Variants in BLTP1 observed in about 807,000 individuals in gnomAD.
BLTP1 encodes bridge-like lipid transfer protein family member 1, also known as fragile site-associated protein.
At chr4:122,161,430 G>GT in the BLTP1 span, among the ~76,000 whole-genome samples, 1 of 148,452 alleles carries the variant, frequency 6.7e-6, no homozygotes. Flanking sequence ...TTTTTCTTTT[G>GT]TTTTCTTTTT....
the BLTP1 span, chr4:122,254,935 A>G: frequency 1.3e-5 from 21 of 1,610,014 alleles, no homozygotes; most frequent in Admixed American, 3.4e-5. Context: ...TATGGGATGC[A>G]TAATGACAGA....
At chr4:122,276,814 A>T in the BLTP1 span, 6 of 975,082 alleles carry the variant, frequency 6.2e-6, no homozygotes, top group Non-Finnish European at 7.3e-6. Flanking sequence ...ATTGGTTTTG[A>T]ATTTTATGTA....
At chr4:122,308,244 C>A in the BLTP1 span, 1 of 1,445,790 alleles carries the variant, frequency 6.9e-7, no homozygotes, top group Non-Finnish European at 9.5e-7. Context: ...TATAACAGTA[C>A]ATTTTTCAGT....
the BLTP1 span, chr4:122,229,863 A>C: frequency 6.7e-7 from 1 of 1,499,400 alleles, no homozygotes; most frequent in East Asian, 2.4e-5. Context: ...CCTATTCAGT[A>C]GTTTTGGCTA....
chr4:122,250,440 T>C, the BLTP1 span: 1 of 1,613,628 alleles, frequency 6.2e-7, no homozygotes, highest in Non-Finnish European at 8.5e-7. Flanking sequence ...AGGGGTGGAG[T>C]GCTGACATCC....
At chr4:122,353,283 A>AT in the BLTP1 span, 1 of 1,422,758 alleles carries the variant, frequency 7.0e-7, no homozygotes, top group East Asian at 2.4e-5. The surrounding 1 kb of genome is among the most constrained non-coding windows in gnomAD (Gnocchi z 4.3). Flanking sequence ...TTCACTACCA[A>AT]TAAGTCAATA....
At chr4:122,290,789 A>T in the BLTP1 span, 1 of 111,738 alleles carries the variant, frequency 8.9e-6, no homozygotes. Flanking sequence ...TCCGTCTCAA[A>T]AAAAAAAAAA....
chr4:122,195,798 A>G, the BLTP1 span: 2 of 297,038 alleles, frequency 6.7e-6, no homozygotes, highest in Admixed American at 6.5e-5. Flanking sequence ...GTAGCAAGTT[A>G]AAGTCTGTGA....
the BLTP1 span, chr4:122,240,256 C>T: frequency 6.2e-7 from 1 of 1,614,102 alleles, no homozygotes; most frequent in Non-Finnish European, 8.5e-7. Flanking sequence ...AACAAAAGAA[C>T]CTCTAAATCC....
the BLTP1 span, chr4:122,339,409 G>C: frequency 1.9e-6 from 3 of 1,605,920 alleles, no homozygotes; most frequent in Admixed American, 1.7e-5. Flanking sequence ...GGAATACCAG[G>C]TATAGATAAT....
the BLTP1 span, chr4:122,305,429 T>C: frequency 2.1e-6 from 2 of 948,370 alleles, no homozygotes; most frequent in Admixed American, 6.2e-5. Context: ...TTATTGGAGA[T>C]TTTTTTTGTT....
chr4:122,199,585 A>AG, the BLTP1 span: 1 of 711,058 alleles, frequency 1.4e-6, no homozygotes, highest in African/African-American at 1.8e-5. Flanking sequence ...AGGGAAGAGG[A>AG]GTGGATTCCC....
the BLTP1 span, among the ~76,000 whole-genome samples, chr4:122,236,216 T>C: frequency 6.6e-6 from 1 of 152,226 alleles, no homozygotes; most frequent in Non-Finnish European, 1.5e-5. Flanking sequence ...GGACTACATA[T>C]ACTAAATTCC....
the BLTP1 span, among the ~76,000 whole-genome samples, chr4:122,337,412 G>A: frequency 6.6e-6 from 1 of 152,060 alleles, no homozygotes; most frequent in African/African-American, 2.4e-5. Context: ...AATATCTCAT[G>A]TAATTTATTG....
the BLTP1 span, chr4:122,209,855 A>C: frequency 6.2e-7 from 1 of 1,613,698 alleles, no homozygotes. Flanking sequence ...CCCAAGTGTC[A>C]TGCTTACAAT....
chr4:122,310,923 A>G, the BLTP1 span: 3 of 942,714 alleles, frequency 3.2e-6, no homozygotes, highest in Non-Finnish European at 3.8e-6. Flanking sequence ...GACCAGTATC[A>G]GCCTACAACA....
the BLTP1 span, chr4:122,327,766 A>C: frequency 6.4e-6 from 1 of 155,702 alleles, no homozygotes; most frequent in African/African-American, 2.4e-5. Context: ...TCCATCACTA[A>C]TTGCTCTTGC....
At chr4:122,172,165 T>C in the BLTP1 span, 1 of 346,330 alleles carries the variant, frequency 2.9e-6, no homozygotes, top group Non-Finnish European at 4.1e-6. Context: ...GGGAATTGTA[T>C]TTTATGTTGA....
the BLTP1 span, chr4:122,210,963 C>T: frequency 6.2e-7 from 1 of 1,613,386 alleles, no homozygotes; most frequent in Non-Finnish European, 8.5e-7. Flanking sequence ...TTTCTTCTCC[C>T]TCTACTTCTT....
Sources: allele counts gnomAD v4.1 joint callset (sites outside exome capture counted in the v4.1 genomes callset), GRCh38; gene constraint gnomAD v4.1.1; non-coding constraint Gnocchi (gnomAD v3.1); transcripts MANE v1.5; gene names NCBI Gene and HGNC (gene_info 2026-07-23, HGNC 2026-07-21).